ERC1: variants seen among roughly 807,000 people sequenced by gnomAD.
ERC1 encodes the protein ELKS/RAB6-interacting/CAST family member 1.
ERC1 carries 56 observed loss-of-function variants against 132.0 expected under a neutral mutation model. The ratio of observed to expected loss-of-function variants is 0.42; its 90% CI spans 0.34 to 0.53. ERC1 has a LOEUF of 0.53. ERC1 is among the 20% of genes least tolerant of loss of function. The pLI is 0.03. For synonymous variants in ERC1, 478 were observed against 476.1 expected (o/e 1.00, Z -0.05); for missense variants, 1,202 against 1,349.9 (o/e 0.89, Z 1.72).
At chr12:1,260,926 G>C (rs763450770) in intron 13 of ERC1, among the ~76,000 whole-genome samples, 5 of 152,226 alleles carry the variant, frequency 3.3e-5, no homozygotes, top group African/African-American at 9.6e-5. Flanking sequence ...TTTGAACCAG[G>C]CTTTGTCATT....
chr12:1,056,082 TTTAA>T (rs1972900522), intron 2 of ERC1, among the ~76,000 whole-genome samples: 1 of 135,472 alleles, frequency 7.4e-6, no homozygotes, highest in African/African-American at 2.8e-5. Context: ...TTTTTTTTTT[TTTAA>T]AAAAAAGGTG....
intron 8 of ERC1, among the ~76,000 whole-genome samples, chr12:1,156,872 A>G (rs546829712): frequency 7.9e-4 from 120 of 151,998 alleles, no homozygotes; most frequent in African/African-American, 2.9e-3. Context: ...CTGTTTGATG[A>G]TGTATTTTTT....
intron 12 of ERC1, among the ~76,000 whole-genome samples, chr12:1,190,505 G>C (rs892932817): frequency 2.6e-5 from 4 of 152,152 alleles, no homozygotes; most frequent in Non-Finnish European, 5.9e-5. Flanking sequence ...TTGTTGAAAA[G>C]CACGCTGTTA....
At position 1,274,479 on chromosome 12, in the gene ERC1, AT is replaced by A. The variant is rs1323418207; in HGVS notation, c.2619+11318del. On this transcript the variant is annotated intron_variant, in intron 14 of 18. Transcript: ENST00000360905. Reference sequence around the variant, plus strand: ...CATCTCGTCTATTTTATTTTATTTTATTTTATTTATTTATTTATTTATTTAT... The same window carrying A: ...CATCTCGTCTATTTTATTTTATTTTATTTATTTATTTATTTATTTATTTAT... Among the ~76,000 whole-genome samples the A allele has an allele frequency of 1.4e-4, 19 of 137,562 alleles. No homozygotes were observed. In the East Asian group the frequency reaches 1.7e-3, roughly 12 times the overall value. The allele number at this position is 137,562 out of a possible 152,430, so 90.2% of individuals were successfully genotyped here.
chr12:1,023,722 G>A (rs541676891), intron 1 of ERC1, among the ~76,000 whole-genome samples: 9 of 152,186 alleles, frequency 5.9e-5, no homozygotes, highest in African/African-American at 1.9e-4. Context: ...AGGGAGGAAC[G>A]AACAAAGAAG....
chr12:1,331,150 T>C (rs1308653913), intron 15 of ERC1, among the ~76,000 whole-genome samples: 1 of 152,236 alleles, frequency 6.6e-6, no homozygotes, highest in Admixed American at 6.5e-5. Flanking sequence ...AAGCCCTCTT[T>C]GTGCTTCCCT....
intron 14 of ERC1, among the ~76,000 whole-genome samples, chr12:1,281,270 G>A (rs2078659287): frequency 6.6e-6 from 1 of 151,968 alleles, no homozygotes; most frequent in South Asian, 2.1e-4. Flanking sequence ...TCCAAAACCT[G>A]GACAAATTAT....
intron 12 of ERC1, among the ~76,000 whole-genome samples, chr12:1,202,057 G>C (rs1178194687): frequency 6.6e-6 from 1 of 152,142 alleles, no homozygotes; most frequent in Non-Finnish European, 1.5e-5. Context: ...GAAGATGACT[G>C]GTTCTTTATC....
chr12:1,062,339 G>A lies in ERC1; in HGVS notation c.670-20825G>A, dbSNP rs560579105. Among the ~76,000 whole-genome samples the A allele has an allele frequency of 2.0e-5, 3 of 152,088 alleles. No homozygotes were observed. The South Asian group carries it at 6.2e-4, about 32-fold the overall frequency. ...GTTTTGCCATGTTGCCCAGGCTGGT[G>A]TCGAACTCCTGAGCTCAAGCCATCT... On this transcript the variant is annotated intron_variant, in intron 2 of 18. Coordinates refer to ENST00000360905, the MANE Select transcript of ERC1 (RefSeq NM_178040.4).
intron 15 of ERC1, among the ~76,000 whole-genome samples, chr12:1,316,315 T>TTTTCTCTGTTAACC (rs2081716747): frequency 6.6e-6 from 1 of 152,188 alleles, no homozygotes; most frequent in Non-Finnish European, 1.5e-5. Context: ...TGAGACTTTC[T>TTTTCTCTGTTAACC]TTTCTCTGTT....
At chr12:1,216,770 T>G (rs952598728) in intron 12 of ERC1, among the ~76,000 whole-genome samples, 2 of 152,172 alleles carry the variant, frequency 1.3e-5, no homozygotes, top group Non-Finnish European at 2.9e-5. Flanking sequence ...GCAACCACTA[T>G]ATGTCTGACT....
In ERC1 at chr12:1,241,256, T is replaced by G. The variant is rs561043235; in HGVS notation, c.2487+4352T>G. Among the ~76,000 whole-genome samples the G allele has an allele frequency of 2.8e-4, 42 of 152,332 alleles. 1 individual carries two copies. The South Asian group carries it at 8.5e-3, about 31-fold the overall frequency. On this transcript the variant is annotated intron_variant, in intron 13 of 18. Transcript: ENST00000360905. Reference sequence around the variant, plus strand: ...TCTTCAAGTTGTTATATTTCATTTCTTCAGTGACACTGTCCGTTTTTCACA... The same window carrying G: ...TCTTCAAGTTGTTATATTTCATTTCGTCAGTGACACTGTCCGTTTTTCACA...
chr12:1,309,743 T>G (rs1257401510), intron 15 of ERC1, among the ~76,000 whole-genome samples: 2 of 149,882 alleles, frequency 1.3e-5, no homozygotes, highest in Non-Finnish European at 3.0e-5. Context: ...TAATGTCTCC[T>G]TAAGACCTAC....
At chr12:993,611 T>C (rs1565732618) in intron 1 of ERC1, among the ~76,000 whole-genome samples, 1 of 152,148 alleles carries the variant, frequency 6.6e-6, no homozygotes, top group Non-Finnish European at 1.5e-5. Context: ...AACTTAAAAG[T>C]GAAGGTTCTT....
intron 18 of ERC1, among the ~76,000 whole-genome samples, chr12:1,454,359 A>G (rs1190058909): frequency 6.6e-6 from 1 of 152,192 alleles, no homozygotes; most frequent in Non-Finnish European, 1.5e-5. Flanking sequence ...CCCAAGTCCC[A>G]TAAGCCATTC....
At chr12:1,408,103 A>G (rs753399144) in intron 16 of ERC1, 46 bp from the exon 17 acceptor site, 14 of 1,363,098 alleles carry the variant, frequency 1.0e-5, no homozygotes, top group Non-Finnish European at 1.3e-5. Flanking sequence ...ACAGTGTGTC[A>G]TAGAAACTTT....
At chr12:1,138,579 G>T (rs1949579072) in intron 7 of ERC1, among the ~76,000 whole-genome samples, 2 of 151,876 alleles carry the variant, frequency 1.3e-5, no homozygotes, top group South Asian at 4.1e-4. Context: ...ATAGGAAAAG[G>T]ACCTTGAAAG....
chr12:1,359,736 GC>G (rs947572264), intron 15 of ERC1, among the ~76,000 whole-genome samples: 4 of 152,130 alleles, frequency 2.6e-5, no homozygotes, highest in African/African-American at 9.7e-5. Context: ...TCAAACCTTG[GC>G]CCACTCACTG....
chr12:1,418,649 C>CTTT (rs1565396388), intron 17 of ERC1, among the ~76,000 whole-genome samples: 21 of 137,754 alleles, frequency 1.5e-4, no homozygotes, highest in African/African-American at 5.4e-4. Context: ...CTTTCTCTCT[C>CTTT]TCTCTCTCTC....
Sources: allele counts gnomAD v4.1 joint callset (sites outside exome capture counted in the v4.1 genomes callset), GRCh38; gene constraint gnomAD v4.1.1; transcripts MANE v1.5; gene names NCBI Gene and HGNC (gene_info 2026-07-23, HGNC 2026-07-21).